ARHGAP32: variants seen among roughly 807,000 people sequenced by gnomAD.
ARHGAP32 encodes rho GTPase-activating protein 32.
Under a neutral mutation model 186.5 loss-of-function variants are expected in ARHGAP32, and 51 were observed. That is an observed-to-expected ratio of 0.27 (90% CI 0.22 to 0.35). The LOEUF is 0.35. Ranked by LOEUF, ARHGAP32 falls within the 10% of genes least tolerant of loss-of-function variation. ARHGAP32 has a pLI of 1.00. For synonymous variants in ARHGAP32, 950 were observed against 964.3 expected (o/e 0.99, Z 0.27); for missense variants, 2,186 against 2,623.5 (o/e 0.83, Z 3.64).
At chr11:129,067,573 C>T (rs1188527295) in intron 6 of ARHGAP32, among the ~76,000 whole-genome samples, 1 of 152,064 alleles carries the variant, frequency 6.6e-6, no homozygotes, top group South Asian at 2.1e-4. Context: ...TGAACTCCTC[C>T]CCTGCACCCC....
chr11:128,983,153 C>T (rs1313833411), intron 15 of ARHGAP32, among the ~76,000 whole-genome samples: 3 of 152,050 alleles, frequency 2.0e-5, no homozygotes, highest in South Asian at 2.1e-4. Context: ...TCCCCTTGTA[C>T]CGAGGACAAA....
At chr11:129,137,781 T>G (rs190924517) in intron 2 of ARHGAP32, among the ~76,000 whole-genome samples, 2 of 152,220 alleles carry the variant, frequency 1.3e-5, no homozygotes, top group African/African-American at 2.4e-5. Flanking sequence ...GACAGTCACA[T>G]GCAGATGATG....
chr11:129,044,337 G>A (rs576998852), intron 10 of ARHGAP32, among the ~76,000 whole-genome samples: 4 of 152,152 alleles, frequency 2.6e-5, no homozygotes, highest in African/African-American at 7.2e-5. Flanking sequence ...AGCCTGTTTC[G>A]TACATTATTC....
chr11:129,070,104 G>A (rs778891821), intron 6 of ARHGAP32, among the ~76,000 whole-genome samples: 1 of 152,024 alleles, frequency 6.6e-6, no homozygotes, highest in Non-Finnish European at 1.5e-5. Context: ...GCCAGTAATT[G>A]AGAATGCAAG....
chr11:129,225,779 C>T (rs1029449916), intron 1 of ARHGAP32, among the ~76,000 whole-genome samples: 1 of 151,938 alleles, frequency 6.6e-6, no homozygotes, highest in Non-Finnish European at 1.5e-5. Context: ...AGAAACTGAC[C>T]TTAAGGAAAC....
At chr11:129,198,607 A>G (rs1224651246) in intron 1 of ARHGAP32, among the ~76,000 whole-genome samples, 3 of 152,164 alleles carry the variant, frequency 2.0e-5, no homozygotes, top group Admixed American at 6.5e-5. Context: ...GTCTTCCTTC[A>G]TCTTCTGCCG....
chr11:129,064,742 T>C, intron 8 of ARHGAP32, 99 bp downstream of exon 8: 1 of 859,938 alleles, frequency 1.2e-6, no homozygotes, highest in Non-Finnish European at 1.8e-6. Flanking sequence ...ATTTCTTTGA[T>C]TCCTGAAGCT....
At chr11:129,226,884 T>C (rs1020041761) in intron 1 of ARHGAP32, among the ~76,000 whole-genome samples, 6 of 152,056 alleles carry the variant, frequency 3.9e-5, no homozygotes, top group African/African-American at 1.4e-4. Flanking sequence ...TCCTTCAGAC[T>C]GAAATAAAAG....
intron 1 of ARHGAP32, among the ~76,000 whole-genome samples, chr11:129,240,240 T>C (rs904233581): frequency 2.0e-5 from 3 of 152,052 alleles, no homozygotes; most frequent in African/African-American, 4.8e-5. Flanking sequence ...TTTAGCAAGA[T>C]AGCTATTACT....
chr11:129,087,247 A>G (rs1941435439), intron 6 of ARHGAP32, among the ~76,000 whole-genome samples: 1 of 152,236 alleles, frequency 6.6e-6, no homozygotes, highest in African/African-American at 2.4e-5. Context: ...CTTGGTGTTT[A>G]CCCAAATGAA....
chr11:128,986,608 G>A lies in ARHGAP32; in HGVS notation c.1359C>T (p.Ile453=), dbSNP rs2136122788. 6.2e-7 allele frequency: 1 copy of A among 1,614,082 alleles called. No individual in the cohort carries two copies. Among genetic ancestry groups the A allele is most frequent in the South Asian group, 1.1e-5 (1 of 91,078 alleles). The change falls in exon 14 of 23, where the codon ATC becomes ATT. Residue 453 remains isoleucine (I), a synonymous_variant. Coordinates refer to ENST00000682385, the MANE Select transcript of ARHGAP32 (RefSeq NM_001378024.1). ...DLTKEPYVQD[I]HSVGSLCKLY... ...GCTTACATAGGGAACCCACAGAATG[G>A]ATGTCCTGAACATACGGTTCTTTCG...
At chr11:129,238,275 C>G (rs546799067) in intron 1 of ARHGAP32, among the ~76,000 whole-genome samples, 1 of 152,226 alleles carries the variant, frequency 6.6e-6, no homozygotes, top group Non-Finnish European at 1.5e-5. Context: ...AACTCTTATA[C>G]CCTCCCAGGA....
intron 11 of ARHGAP32, among the ~76,000 whole-genome samples, chr11:129,039,880 T>A (rs1182518635): frequency 6.6e-6 from 1 of 152,168 alleles, no homozygotes; most frequent in Admixed American, 6.5e-5. Flanking sequence ...GAACTGAGAA[T>A]CCTGACTCAA....
At chr11:129,016,849 T>G (rs772164399) in intron 11 of ARHGAP32, among the ~76,000 whole-genome samples, 34 of 152,326 alleles carry the variant, frequency 2.2e-4, no homozygotes, top group Non-Finnish European at 4.3e-4. Context: ...ATGAACATAA[T>G]AGATCTCTCC....
At position 129,123,749 on chromosome 11, in the gene ARHGAP32, C is replaced by G; in HGVS notation, c.359+139G>C. 1.3e-6 allele frequency: 1 copy of G among 748,478 alleles called. No homozygotes were observed. Among genetic ancestry groups the G allele is most frequent in the Non-Finnish European group, 2.1e-6 (1 of 485,878 alleles). The allele number at this position is 748,478 out of a possible 1,614,324, so 46.4% of individuals were successfully genotyped here. A position where few individuals can be genotyped will look rare whatever the true frequency, so the allele number is the denominator to read the frequency against. On this transcript the variant is annotated intron_variant, in intron 4 of 22. Coordinates refer to ENST00000682385, the MANE Select transcript of ARHGAP32 (RefSeq NM_001378024.1). The surrounding 1 kb of genome is among the most constrained non-coding windows in gnomAD (Gnocchi z 4.6). ...AGATCAAAACCCAAAATAAAAAAAG[C>G]ATCACCGTTATCTCCTAATTTTGAC...
chr11:129,199,135 G>A (rs976142911), intron 1 of ARHGAP32, among the ~76,000 whole-genome samples: 3 of 152,164 alleles, frequency 2.0e-5, no homozygotes, highest in African/African-American at 7.2e-5. Flanking sequence ...AGATGTGACT[G>A]GGTTGCTGTT....
At chr11:129,057,381 A>G (rs909555598) in intron 10 of ARHGAP32, among the ~76,000 whole-genome samples, 1 of 152,022 alleles carries the variant, frequency 6.6e-6, no homozygotes, top group Admixed American at 6.6e-5. Flanking sequence ...CACCAAGTCT[A>G]TGTAAGAGAG....
At position 128,970,983 on chromosome 11, in the gene ARHGAP32, G is replaced by C. The variant is rs140367157; in HGVS notation, c.4230C>G (p.His1410Gln). 1.5e-4 allele frequency: 248 copies of C among 1,613,810 alleles called. 1 individual carries two copies. In the African/African-American group the frequency reaches 3.1e-3, roughly 20 times the overall value. ...VRDGARVPLL[H>Q]LRAESVPAHP... ...GCGCAGGGACAGACTCGGCGCGCAG[G>C]TGCAGCAGCGGGACCCGGGCACCGT... Residue 1410 changes from histidine (H) to glutamine (Q), a missense_variant, in exon 23 of 23, where the codon CAC becomes CAG. Coordinates refer to ENST00000682385, the MANE Select transcript of ARHGAP32 (RefSeq NM_001378024.1). This position sits in a 1 kb window ranked among gnomAD's most constrained non-coding sequence, Gnocchi z 5.8.
At chr11:129,072,602 C>A (rs548140464) in intron 6 of ARHGAP32, among the ~76,000 whole-genome samples, 3 of 152,198 alleles carry the variant, frequency 2.0e-5, no homozygotes, top group Non-Finnish European at 4.4e-5. Flanking sequence ...CACTTACCCA[C>A]AGCAGAAATC....
Sources: allele counts gnomAD v4.1 joint callset (sites outside exome capture counted in the v4.1 genomes callset), GRCh38; gene constraint gnomAD v4.1.1; non-coding constraint Gnocchi (gnomAD v3.1); transcripts MANE v1.5; gene names NCBI Gene and HGNC (gene_info 2026-07-23, HGNC 2026-07-21).